The following ABTB3 variants were observed in gnomAD, a reference collection of about 807,000 sequenced individuals.
ABTB3 encodes the protein ankyrin repeat and BTB domain containing 3, also known as ankyrin repeat- and BTB/POZ domain-containing protein 3.
the ABTB3 span, among the ~76,000 whole-genome samples, chr12:107,654,687 A>G: frequency 1.3e-5 from 2 of 152,168 alleles, no homozygotes; most frequent in Non-Finnish European, 2.9e-5. Context: ...ACTCCAAAGC[A>G]CAGGTTCTTA....
chr12:107,603,975 C>A, the ABTB3 span, among the ~76,000 whole-genome samples: 138 of 152,236 alleles, frequency 9.1e-4, 1 homozygote, highest in Middle Eastern at 3.4e-3. Flanking sequence ...CGAGACCATC[C>A]TGGCTAACAT....
the ABTB3 span, among the ~76,000 whole-genome samples, chr12:107,446,841 C>G: frequency 6.6e-6 from 1 of 152,192 alleles, no homozygotes. Context: ...CTTAATGTCT[C>G]TGAGCTTCAG....
chr12:107,473,393 G>A, the ABTB3 span, among the ~76,000 whole-genome samples: 1 of 151,778 alleles, frequency 6.6e-6, no homozygotes, highest in African/African-American at 2.4e-5. Flanking sequence ...TTGCTCTGTT[G>A]CTCAGGCTGG....
the ABTB3 span, among the ~76,000 whole-genome samples, chr12:107,353,073 T>G: frequency 6.6e-6 from 1 of 152,036 alleles, no homozygotes; most frequent in Non-Finnish European, 1.5e-5. Flanking sequence ...ACCCATCAGG[T>G]GATGGTCATG....
chr12:107,478,909 C>T, the ABTB3 span, among the ~76,000 whole-genome samples: 1 of 152,110 alleles, frequency 6.6e-6, no homozygotes, highest in South Asian at 2.1e-4. Context: ...CAGGAGCAAC[C>T]TTTGATCTGC....
the ABTB3 span, among the ~76,000 whole-genome samples, chr12:107,590,896 T>C: frequency 1.3e-5 from 2 of 152,202 alleles, no homozygotes; most frequent in African/African-American, 4.8e-5. Context: ...CTCACCAAGA[T>C]GCTTATTTCC....
the ABTB3 span, among the ~76,000 whole-genome samples, chr12:107,424,948 C>T: frequency 3.3e-5 from 5 of 152,174 alleles, no homozygotes; most frequent in Non-Finnish European, 5.9e-5. Flanking sequence ...CCTGCCTTGG[C>T]CCTGTCCCTC....
At chr12:107,500,502 A>G in the ABTB3 span, among the ~76,000 whole-genome samples, 1 of 152,128 alleles carries the variant, frequency 6.6e-6, no homozygotes, top group Non-Finnish European at 1.5e-5. Flanking sequence ...CTTGGGTTAC[A>G]AAGTCTGTTC....
the ABTB3 span, among the ~76,000 whole-genome samples, chr12:107,533,619 A>C: frequency 2.6e-5 from 4 of 152,226 alleles, no homozygotes; most frequent in Non-Finnish European, 5.9e-5. Flanking sequence ...GAGCACCCAG[A>C]TATATAAAAC....
At chr12:107,514,857 AT>A in the ABTB3 span, among the ~76,000 whole-genome samples, 1 of 152,328 alleles carries the variant, frequency 6.6e-6, no homozygotes, top group Non-Finnish European at 1.5e-5. Flanking sequence ...AGAAGGAGAA[AT>A]AATTCCAAGG....
chr12:107,358,049 A>G, the ABTB3 span, among the ~76,000 whole-genome samples: 2 of 151,838 alleles, frequency 1.3e-5, no homozygotes, highest in Admixed American at 1.3e-4. Flanking sequence ...CAAATATTAA[A>G]TTGCCTACAA....
chr12:107,614,587 C>T, the ABTB3 span, among the ~76,000 whole-genome samples: 2 of 152,166 alleles, frequency 1.3e-5, no homozygotes, highest in African/African-American at 4.8e-5. Context: ...CCACCACCCT[C>T]TGCTAGGTAG....
At chr12:107,380,096 C>T in the ABTB3 span, among the ~76,000 whole-genome samples, 116,328 of 152,094 alleles carry the variant, frequency 0.76, 44,719 homozygotes, top group Non-Finnish European at 0.79. Context: ...CCTTAACTCC[C>T]GGGGTGCAGT....
chr12:107,343,283 GGAT>G, the ABTB3 span, among the ~76,000 whole-genome samples: 3 of 151,988 alleles, frequency 2.0e-5, no homozygotes, highest in Non-Finnish European at 4.4e-5. Context: ...TAAAGTGTTG[GGAT>G]TACAGACATG....
chr12:107,427,744 G>A, the ABTB3 span, among the ~76,000 whole-genome samples: 1 of 152,084 alleles, frequency 6.6e-6, no homozygotes, highest in African/African-American at 2.4e-5. Flanking sequence ...CAAAATACTC[G>A]CTACTTCTCT....
chr12:107,455,912 C>A, the ABTB3 span, among the ~76,000 whole-genome samples: 5 of 152,122 alleles, frequency 3.3e-5, no homozygotes, highest in Non-Finnish European at 7.4e-5. Flanking sequence ...AACAAGTTTT[C>A]TTTAGGTCTG....
At chr12:107,381,600 T>G in the ABTB3 span, among the ~76,000 whole-genome samples, 1 of 152,202 alleles carries the variant, frequency 6.6e-6, no homozygotes, top group Non-Finnish European at 1.5e-5. Flanking sequence ...TTAATGGCAA[T>G]GGATGAGGCT....
At chr12:107,541,311 T>G in the ABTB3 span, among the ~76,000 whole-genome samples, 2 of 152,176 alleles carry the variant, frequency 1.3e-5, no homozygotes, top group Non-Finnish European at 2.9e-5. Context: ...AGGGGTGAGA[T>G]CTAAAGGACT....
At chr12:107,546,538 G>A in the ABTB3 span, among the ~76,000 whole-genome samples, 1 of 152,168 alleles carries the variant, frequency 6.6e-6, no homozygotes, top group Non-Finnish European at 1.5e-5. Context: ...GCATGGCTCA[G>A]GACCCCATCT....
Sources: gnomAD v4.1 joint callset for allele counts (sites outside exome capture counted in the v4.1 genomes callset) on GRCh38, gnomAD v4.1.1 for gene constraint, MANE v1.5 for transcripts, NCBI Gene and HGNC (gene_info 2026-07-23, HGNC 2026-07-21) for gene names.